The following PCGF6 variants were observed in gnomAD, a reference collection of about 807,000 sequenced individuals.
PCGF6 encodes the protein polycomb group ring finger 6, also known as polycomb group RING finger protein 6.
In PCGF6, 24 loss-of-function variants were observed where a neutral mutation model predicts 45.5. The ratio of observed to expected loss-of-function variants is 0.53; its 90% CI spans 0.38 to 0.74. The LOEUF (loss-of-function observed/expected upper bound fraction) is 0.74. Among genes scored for constraint, PCGF6 ranks in the 30% least tolerant of loss-of-function variants. The probability of loss-of-function intolerance (pLI) is 0.00; values close to 1 mark genes in which losing one functional copy is unlikely to be tolerated. For synonymous variants in PCGF6, 152 were observed against 162.1 expected, an observed-to-expected ratio of 0.94 and a Z score of 0.47; for missense variants, 356 against 443.2, an observed-to-expected ratio of 0.80 and a Z score of 1.77.
At position 103,314,266 on chromosome 10, in the gene PCGF6, T is replaced by G. The variant is rs1176313227; in HGVS notation, c.916A>C (p.Ile306Leu). 2.5e-6 allele frequency: 4 copies of G among 1,577,734 alleles called. No individual in the cohort carries two copies. Among genetic ancestry groups the G allele is most frequent in the Non-Finnish European group, 3.5e-6 (4 of 1,151,254 alleles). Residue 306 changes from isoleucine to leucine, a missense_variant, in exon 9 of 10, where the codon ATA becomes CTA. Physicochemically the swap from Ile to Leu is conservative, Grantham distance 5. Coordinates refer to ENST00000369847, the MANE Select transcript of PCGF6 (RefSeq NM_001011663.2). ...MGLDPACQVDIICGDHLLEQY... is the reference protein window; with the variant it reads ...MGLDPACQVDLICGDHLLEQY... Reference sequence around the variant, plus strand: ...TCCAACAGGTGATCACCACAGATTATATCTACCTATGGACATGAAGAGAGT... The same window carrying G: ...TCCAACAGGTGATCACCACAGATTAGATCTACCTATGGACATGAAGAGAGT...
chr10:103,330,038 G>A (rs1165791446), intron 7 of PCGF6, among the ~76,000 whole-genome samples: 1 of 151,708 alleles, frequency 6.6e-6, no homozygotes, highest in African/African-American at 2.4e-5. Flanking sequence ...AAAGTGCTGG[G>A]ATTACAGGTG....
intron 8 of PCGF6, among the ~76,000 whole-genome samples, chr10:103,319,007 G>A (rs1055153296): frequency 2.0e-5 from 3 of 152,274 alleles, no homozygotes; most frequent in East Asian, 1.9e-4. Context: ...GAATCTCAGA[G>A]CAGAAATCAG....
At chr10:103,309,792 G>A (rs1340591011) in intron 9 of PCGF6, among the ~76,000 whole-genome samples, 2 of 151,956 alleles carry the variant, frequency 1.3e-5, no homozygotes, top group Non-Finnish European at 2.9e-5. Flanking sequence ...ATAGCCAGAT[G>A]TGGTGGTGCA....
chr10:103,347,999 T>G (rs559567084), intron 3 of PCGF6, among the ~76,000 whole-genome samples: 2 of 10,018 alleles, frequency 2.0e-4, no homozygotes, highest in African/African-American at 2.1e-4. Context: ...CTACTGTTAG[T>G]ATTTTTCCCT....
Position 103,351,101 on chromosome 10 carries a change from G to C in PCGF6, c.-35C>G. On this transcript the variant is annotated 5_prime_UTR_variant, in exon 1 of 10. Transcript: ENST00000369847. ...AGACACCAGGCGAGGCGAGGCGGCG[G>C]GAGAGCGCGGGAGTTCGGCCGGCCT... The C allele has an allele frequency of 7.5e-7, 1 of 1,339,372 alleles. No homozygotes were observed. Among genetic ancestry groups the C allele is most frequent in the Non-Finnish European group, 9.6e-7 (1 of 1,045,008 alleles). 83.0% of individuals were successfully genotyped at this position (1,339,372 alleles called of 1,614,324 possible).
intron 1 of PCGF6, 54 bp from the exon 2 acceptor site, chr10:103,349,053 C>CTTTT: frequency 1.7e-6 from 2 of 1,176,798 alleles, no homozygotes; most frequent in Non-Finnish European, 2.4e-6. Flanking sequence ...TTTACAAATT[C>CTTTT]TTTTTTTTTT....
chr10:103,328,086 T>A (rs147206314), intron 7 of PCGF6, among the ~76,000 whole-genome samples: 36 of 152,178 alleles, frequency 2.4e-4, no homozygotes, highest in Admixed American at 9.8e-4. Context: ...ATGACAGAGT[T>A]TGAAAGTAAA....
At chr10:103,336,173 G>A (rs1460108337) in intron 6 of PCGF6, among the ~76,000 whole-genome samples, 3 of 151,678 alleles carry the variant, frequency 2.0e-5, no homozygotes, top group Non-Finnish European at 4.4e-5. Context: ...GGCAAAGGTT[G>A]CAGGGAGTCA....
rs1254819398 is a variant in PCGF6 at position 103,345,108 on chromosome 10, C to T, written c.698G>A (p.Ser233Asn). Reference sequence around the variant, plus strand: ...TAGGACTTTTTTAGATCTTCCTTTGCTTGAAGGGACTGGCTGTGGAACAGC... The same window carrying T: ...TAGGACTTTTTTAGATCTTCCTTTGTTTGAAGGGACTGGCTGTGGAACAGC... ...KPAVPQPVPS[S>N]KGRSKKVLES... The change falls in exon 6 of 10, where the codon AGC (serine) becomes AAC (asparagine). Residue 233 changes from serine (S) to asparagine (N), a missense_variant. Ser to Asn is a conservative substitution (Grantham distance 46, BLOSUM62 1). Coordinates refer to ENST00000369847, the MANE Select transcript of PCGF6 (RefSeq NM_001011663.2). 1 of 1,612,028 alleles carries T rather than the reference C, an allele frequency of 6.2e-7. No individual in the cohort carries two copies. Among genetic ancestry groups the T allele is most frequent in the African/African-American group, 1.3e-5 (1 of 74,846 alleles).
chr10:103,333,055 G>A (rs1379365853), intron 7 of PCGF6, among the ~76,000 whole-genome samples: 2 of 150,148 alleles, frequency 1.3e-5, no homozygotes, highest in Admixed American at 6.7e-5. Flanking sequence ...GACGGCGGAA[G>A]TTGCAGTGAG....
At chr10:103,349,638 G>A (rs183875716) in intron 1 of PCGF6, among the ~76,000 whole-genome samples, 53 of 150,136 alleles carry the variant, frequency 3.5e-4, no homozygotes, top group African/African-American at 1.3e-3. Flanking sequence ...GTGCCACCAC[G>A]CCCCGCTACT....
At chr10:103,345,492 G>C (rs2093295783) in intron 5 of PCGF6, among the ~76,000 whole-genome samples, 1 of 149,402 alleles carries the variant, frequency 6.7e-6, no homozygotes, top group Non-Finnish European at 1.5e-5. Context: ...CCATGATATA[G>C]GTACCAGTGC....
At chr10:103,318,139 T>G (rs2093182955) in intron 8 of PCGF6, among the ~76,000 whole-genome samples, 1 of 151,424 alleles carries the variant, frequency 6.6e-6, no homozygotes, top group African/African-American at 2.4e-5. Flanking sequence ...TATTCATTTT[T>G]TGCTTTAAAA....
intron 6 of PCGF6, among the ~76,000 whole-genome samples, chr10:103,335,724 T>C (rs1447689524): frequency 6.6e-6 from 1 of 151,380 alleles, no homozygotes; most frequent in Non-Finnish European, 1.5e-5. Context: ...TCCCAGCACT[T>C]TGGGAGGCCA....
At chr10:103,324,402 G>A (rs1319988916) in intron 8 of PCGF6, among the ~76,000 whole-genome samples, 4 of 151,028 alleles carry the variant, frequency 2.6e-5, no homozygotes, top group Non-Finnish European at 5.9e-5. Context: ...CTAGAACTAT[G>A]AGTATATTTT....
chr10:103,334,340 C>T (rs1293998106), intron 6 of PCGF6, among the ~76,000 whole-genome samples: 1 of 151,978 alleles, frequency 6.6e-6, no homozygotes, highest in African/African-American at 2.4e-5. Flanking sequence ...ATCAACATAT[C>T]CATCAGCTCA....
chr10:103,318,537 G>A (rs948859810), intron 8 of PCGF6, among the ~76,000 whole-genome samples: 2 of 151,824 alleles, frequency 1.3e-5, no homozygotes, highest in African/African-American at 4.8e-5. Context: ...AAGGTCAGCA[G>A]TTCAAGACCA....
intron 7 of PCGF6, among the ~76,000 whole-genome samples, chr10:103,332,509 C>T (rs530649456): frequency 6.6e-6 from 1 of 152,198 alleles, no homozygotes; most frequent in East Asian, 1.9e-4. Flanking sequence ...CTCCTGGCTC[C>T]AAGCAATCCT....
intron 6 of PCGF6, among the ~76,000 whole-genome samples, chr10:103,338,056 T>C (rs1592072236): frequency 1.0e-4 from 3 of 28,790 alleles, no homozygotes; most frequent in African/African-American, 2.4e-4. Context: ...AGAGCGAGAC[T>C]CCGTCTCAAA....
Sources: allele counts gnomAD v4.1 joint callset (sites outside exome capture counted in the v4.1 genomes callset), GRCh38; gene constraint gnomAD v4.1.1; transcripts MANE v1.5; gene names NCBI Gene and HGNC (gene_info 2026-07-23, HGNC 2026-07-21).